RELN: variants seen among roughly 807,000 people sequenced by gnomAD.
RELN encodes the protein reelin.
In RELN, 108 loss-of-function variants were observed where a neutral mutation model predicts 427.6. The observed-to-expected ratio is 0.25, with a 90% confidence interval of 0.22 to 0.30. The LOEUF (loss-of-function observed/expected upper bound fraction) is 0.30, where lower values mean the gene tolerates loss of function less well. Ranked by LOEUF, RELN falls within the 10% of genes least tolerant of loss-of-function variation. The probability of loss-of-function intolerance (pLI) is 1.00; values close to 1 mark genes in which losing one functional copy is unlikely to be tolerated. For missense variants in RELN, 3,715 were observed against 4,302.8 expected, an observed-to-expected ratio of 0.86 and a Z score of 3.82; for synonymous variants, 1,524 against 1,513.4, an observed-to-expected ratio of 1.01 and a Z score of -0.16.
chr7:103,671,287 A>G (rs1480539132), intron 11 of RELN, among the ~76,000 whole-genome samples: 1 of 152,140 alleles, frequency 6.6e-6, no homozygotes, highest in Non-Finnish European at 1.5e-5. Flanking sequence ...CCTTCCCTGA[A>G]TGCATTACAT....
rs1167276847 is a variant in RELN at position 103,610,717 on chromosome 7, C to T, written c.2986G>A (p.Val996Met). 6.3e-7 allele frequency: 1 copy of T among 1,596,420 alleles called. No individual in the cohort carries two copies. Among genetic ancestry groups the T allele is most frequent in the Non-Finnish European group, 8.6e-7 (1 of 1,164,332 alleles). ...SEFTQWRRVI[V>M]LLPQKTWSSA... ...CACCAAGTTTTCTGGGGAAGAAGCA[C>T]TATGACTCTCCTCCACTGTGTAAAC... is the stretch of plus-strand genomic sequence containing the variant. The change falls in exon 22 of 65, where the codon GTG becomes ATG. Residue 996 changes from valine (V) to methionine (M), a missense_variant. Val to Met is a conservative substitution (Grantham distance 21). This residue lies in a region of RELN where 2,208 missense variants were observed against 2,361.7 expected (regional missense o/e 0.93). Transcript: ENST00000428762.
intron 2 of RELN, among the ~76,000 whole-genome samples, chr7:103,885,612 T>A (rs112146304): frequency 0.12 from 17,780 of 152,060 alleles, 1,103 homozygotes; most frequent in South Asian, 0.13. Flanking sequence ...TAGGGAGGGA[T>A]ACCATTAGGA....
chr7:103,910,850 A>G (rs1795348877), intron 2 of RELN, among the ~76,000 whole-genome samples: 1 of 126,756 alleles, frequency 7.9e-6, no homozygotes, highest in Non-Finnish European at 1.6e-5. Flanking sequence ...ACAAAAATCA[A>G]TTCAAGATGG....
Position 103,607,034 on chromosome 7 carries a change from T to C in RELN, c.3009-2551A>G, listed in dbSNP as rs187539481. ...CTCATCATTTTTTATGGCTGCATAG[T>C]ATTCCATGGTATATATGTACCATAT... On this transcript the variant is annotated intron_variant, in intron 22 of 64. Coordinates refer to ENST00000428762, the MANE Select transcript of RELN (RefSeq NM_005045.4). Among the ~76,000 whole-genome samples, 31 of 145,546 alleles carry C rather than the reference T, an allele frequency of 2.1e-4. 1 individual carries two copies. In the East Asian group the frequency reaches 5.8e-3, roughly 27 times the overall value.
chr7:103,740,000 A>G (rs1254770921), intron 6 of RELN, among the ~76,000 whole-genome samples: 1 of 152,192 alleles, frequency 6.6e-6, no homozygotes, highest in Non-Finnish European at 1.5e-5. Context: ...TGGACTAGTC[A>G]CCAGACTAGA....
chr7:103,758,386 C>T (rs1409198612), intron 4 of RELN, among the ~76,000 whole-genome samples: 1 of 151,832 alleles, frequency 6.6e-6, no homozygotes, highest in East Asian at 1.9e-4. Context: ...TTCTACTTTG[C>T]CTAAAAAACA....
At chr7:103,849,540 C>T (rs906204742) in intron 2 of RELN, among the ~76,000 whole-genome samples, 1 of 152,064 alleles carries the variant, frequency 6.6e-6, no homozygotes, top group Non-Finnish European at 1.5e-5. Flanking sequence ...AATGTGACAC[C>T]CTGCGTATCC....
At chr7:103,800,105 CT>C (rs1183782913) in intron 3 of RELN, among the ~76,000 whole-genome samples, 2 of 152,188 alleles carry the variant, frequency 1.3e-5, no homozygotes, top group African/African-American at 4.8e-5. Context: ...CTCACCACCC[CT>C]ATTCAACACA....
At chr7:103,689,355 G>A (rs907338386) in intron 10 of RELN, among the ~76,000 whole-genome samples, 4 of 152,028 alleles carry the variant, frequency 2.6e-5, no homozygotes, top group African/African-American at 4.8e-5. Flanking sequence ...AGTGATCTGC[G>A]TTTAATCTGT....
chr7:103,945,851 T>C (rs1796210032), intron 1 of RELN, among the ~76,000 whole-genome samples: 1 of 152,138 alleles, frequency 6.6e-6, no homozygotes, highest in Non-Finnish European at 1.5e-5. Context: ...TTGCCTCTGG[T>C]ATTCAGTGCA....
intron 36 of RELN, among the ~76,000 whole-genome samples, chr7:103,560,100 G>A (rs932792396): frequency 5.9e-5 from 9 of 152,144 alleles, no homozygotes; most frequent in African/African-American, 2.2e-4. Flanking sequence ...TATTTATACA[G>A]CAGAACTGTC....
chr7:103,700,501 G>C (rs1584418051), intron 9 of RELN, among the ~76,000 whole-genome samples: 1 of 152,278 alleles, frequency 6.6e-6, no homozygotes, highest in East Asian at 1.9e-4. Context: ...AAAAGGCCCT[G>C]TGGCTATTAA....
chr7:103,560,659 C>T (rs1830622567), intron 36 of RELN, among the ~76,000 whole-genome samples: 2 of 152,172 alleles, frequency 1.3e-5, no homozygotes, highest in Admixed American at 1.3e-4. Context: ...CCCCCAAAAC[C>T]AGGAGTTTCC....
At chr7:103,476,737 C>A in intron 64 of RELN, 1 of 412,584 alleles carries the variant, frequency 2.4e-6, no homozygotes, top group South Asian at 1.9e-5. Context: ...AAATGTCTAA[C>A]AGCATTGGGA....
At chr7:103,799,115 T>C (rs549734718) in intron 3 of RELN, among the ~76,000 whole-genome samples, 1 of 152,280 alleles carries the variant, frequency 6.6e-6, no homozygotes, top group Non-Finnish European at 1.5e-5. Flanking sequence ...AGAATATCCA[T>C]GAAGTTACAA....
chr7:103,653,686 G>C (rs1003858282), intron 13 of RELN, among the ~76,000 whole-genome samples: 5 of 151,936 alleles, frequency 3.3e-5, no homozygotes, highest in African/African-American at 9.7e-5. Flanking sequence ...AGTTAGCAAA[G>C]AAAAAAGCAA....
At chr7:103,780,841 C>T (rs1312337405) in intron 3 of RELN, among the ~76,000 whole-genome samples, 2 of 151,992 alleles carry the variant, frequency 1.3e-5, no homozygotes, top group Admixed American at 1.3e-4. Context: ...TACTGTAGTC[C>T]CCTTTCAACT....
intron 8 of RELN, among the ~76,000 whole-genome samples, chr7:103,712,578 T>C (rs1789832963): frequency 6.6e-6 from 1 of 152,196 alleles, no homozygotes; most frequent in Non-Finnish European, 1.5e-5. Flanking sequence ...ATCCAACACA[T>C]TAATACTTCT....
intron 51 of RELN, among the ~76,000 whole-genome samples, chr7:103,504,814 G>A (rs929211245): frequency 1.3e-5 from 2 of 152,218 alleles, no homozygotes; most frequent in Admixed American, 1.3e-4. Context: ...GCCCAGCAAG[G>A]TAAGATTCAC....
Sources: allele counts gnomAD v4.1 joint callset (sites outside exome capture counted in the v4.1 genomes callset), GRCh38; gene constraint gnomAD v4.1.1; regional missense constraint gnomAD v4.1.1; transcripts MANE v1.5; gene names NCBI Gene and HGNC (gene_info 2026-07-23, HGNC 2026-07-21).